CREB5: variants seen among roughly 807,000 people sequenced by gnomAD.
The protein encoded by CREB5 is cyclic AMP-responsive element-binding protein 5.
Under a neutral mutation model 57.1 loss-of-function variants are expected in CREB5, and 19 were observed. That is an observed-to-expected ratio of 0.33 (90% CI 0.23 to 0.49). CREB5 has a LOEUF of 0.49. CREB5 is among the 20% of genes least tolerant of loss of function. The probability of loss-of-function intolerance (pLI) is 0.99; values close to 1 mark genes in which losing one functional copy is unlikely to be tolerated. For missense variants in CREB5, 579 were observed against 671.6 expected, an observed-to-expected ratio of 0.86 and a Z score of 1.52; for synonymous variants, 238 against 238.3, an observed-to-expected ratio of 1.00 and a Z score of 0.01.
chr7:28,379,846 T>G (rs192488513), intron 1 of CREB5, among the ~76,000 whole-genome samples: 1 of 152,330 alleles, frequency 6.6e-6, no homozygotes, highest in East Asian at 1.9e-4. Context: ...AGCCCCCACC[T>G]CAGATCTATT....
At chr7:28,713,485 T>C (rs767972494) in intron 5 of CREB5, among the ~76,000 whole-genome samples, 3 of 152,228 alleles carry the variant, frequency 2.0e-5, no homozygotes, top group Non-Finnish European at 4.4e-5. Context: ...GAACACCTTC[T>C]ATTTGGGGTT....
intron 7 of CREB5, among the ~76,000 whole-genome samples, chr7:28,737,564 TATATATATATATA>T (rs1804082186): frequency 2.7e-5 from 3 of 110,160 alleles, no homozygotes; most frequent in South Asian, 5.1e-4. Flanking sequence ...TATATATATA[TATATATATATATA>T]TATATATATA....
intron 5 of CREB5, among the ~76,000 whole-genome samples, chr7:28,702,787 T>C (rs1459975219): frequency 6.6e-6 from 1 of 152,188 alleles, no homozygotes; most frequent in Non-Finnish European, 1.5e-5. Flanking sequence ...GTTGCTAGAT[T>C]TGGCCTTTAA....
At chr7:28,451,880 T>C (rs1789832358) in intron 1 of CREB5, among the ~76,000 whole-genome samples, 1 of 152,156 alleles carries the variant, frequency 6.6e-6, no homozygotes, top group Non-Finnish European at 1.5e-5. Context: ...ATAAGCTCCA[T>C]ATGGTTTCCC....
At chr7:28,408,680 T>A (rs76344368), upstream of CREB5, among the ~76,000 whole-genome samples, 2 of 152,110 alleles carry the variant, frequency 1.3e-5, no homozygotes, top group African/African-American at 4.8e-5. Flanking sequence ...CTCAGACGCA[T>A]GAAGCAGGGG....
intron 1 of CREB5, among the ~76,000 whole-genome samples, chr7:28,447,150 G>A (rs1462741137): frequency 6.6e-6 from 1 of 152,182 alleles, no homozygotes; most frequent in Admixed American, 6.5e-5. Flanking sequence ...GGGCTTGCAG[G>A]GCACACCATG....
intron 1 of CREB5, among the ~76,000 whole-genome samples, chr7:28,377,626 A>G (rs921103707): frequency 2.6e-5 from 4 of 152,058 alleles, no homozygotes; most frequent in Admixed American, 1.3e-4. Flanking sequence ...TTTATTTAAC[A>G]TAATTTCCTT....
chr7:28,342,552 G>A (rs1216890043), intron 1 of CREB5, among the ~76,000 whole-genome samples: 1 of 152,208 alleles, frequency 6.6e-6, no homozygotes, highest in African/African-American at 2.4e-5. Flanking sequence ...CATAGTTGCA[G>A]AATTAAAATG....
At chr7:28,622,900 T>C (rs116634896) in intron 5 of CREB5, among the ~76,000 whole-genome samples, 2,384 of 152,214 alleles carry the variant, frequency 0.016, 59 homozygotes, top group African/African-American at 0.053. Context: ...CCCACCTTCT[T>C]CTGGTTTTTT....
chr7:28,476,960 T>G (rs1791096371), intron 1 of CREB5, among the ~76,000 whole-genome samples: 1 of 152,234 alleles, frequency 6.6e-6, no homozygotes, highest in Non-Finnish European at 1.5e-5. Flanking sequence ...GGTACACTTC[T>G]CTTTCCTTCT....
intron 5 of CREB5, among the ~76,000 whole-genome samples, chr7:28,600,011 A>G (rs1308735728): frequency 6.6e-6 from 1 of 152,074 alleles, no homozygotes; most frequent in African/African-American, 2.4e-5. Context: ...GAGGGTGAAG[A>G]ACTCTGGGTG....
chr7:28,816,055 G>GCA (rs34917973), intron 9 of CREB5, among the ~76,000 whole-genome samples: 45,532 of 145,164 alleles, frequency 0.31, 7,193 homozygotes, highest in Middle Eastern at 0.39. Context: ...AAATATATAC[G>GCA]CACACACACA....
At position 28,532,976 on chromosome 7, in the gene CREB5, G is replaced by A. The variant is rs148107418; in HGVS notation, c.291+25239G>A. Among the ~76,000 whole-genome samples the A allele has an allele frequency of 2.8e-3, 420 of 152,314 alleles. 2 individuals carry two copies. The highest frequency in any genetic ancestry group is 9.7e-3 in the African/African-American group (405 of 41,566). On this transcript the variant is annotated intron_variant, in intron 4 of 10. Coordinates refer to ENST00000357727, the MANE Select transcript of CREB5 (RefSeq NM_182898.4). ...CACAGGAGTGGGAAGATCCACTTAT[G>A]ACATAAAATGTCCCACAGTTAGAGA...
At chr7:28,306,555 GTTTTT>G (rs869277871) in intron 1 of CREB5, among the ~76,000 whole-genome samples, 2 of 58,086 alleles carry the variant, frequency 3.4e-5, no homozygotes, top group Admixed American at 2.7e-4. Context: ...TGTTTTTTTT[GTTTTT>G]TTTTTTTTTT....
chr7:28,673,260 C>T (rs537729036), intron 5 of CREB5, among the ~76,000 whole-genome samples: 5 of 152,302 alleles, frequency 3.3e-5, no homozygotes, highest in East Asian at 3.9e-4. Context: ...AACACAATGG[C>T]TATCATCACA....
chr7:28,809,806 AAACT>A (rs2128804846), intron 9 of CREB5, among the ~76,000 whole-genome samples: 1 of 152,350 alleles, frequency 6.6e-6, no homozygotes, highest in South Asian at 2.1e-4. Flanking sequence ...AGCAATAAAC[AAACT>A]AATGTCTCCA....
chr7:28,333,132 G>A (rs1471341936), intron 1 of CREB5, among the ~76,000 whole-genome samples: 1 of 152,164 alleles, frequency 6.6e-6, no homozygotes, highest in African/African-American at 2.4e-5. Context: ...CTCCTAACTT[G>A]TGTTTAAATA....
Position 28,819,551 on chromosome 7 carries a change from C to G in CREB5, c.*272C>G, listed in dbSNP as rs1158593740. 1 of 359,396 alleles carries G rather than the reference C, an allele frequency of 2.8e-6. No homozygotes were observed. The highest frequency in any genetic ancestry group is 5.0e-6 in the Non-Finnish European group (1 of 198,232). 22.3% of individuals were successfully genotyped at this position (359,396 alleles called of 1,614,324 possible). A position where few individuals can be genotyped will look rare whatever the true frequency, so the allele number is the denominator to read the frequency against. On this transcript the variant is annotated 3_prime_UTR_variant, in exon 11 of 11. Coordinates refer to ENST00000357727, the MANE Select transcript of CREB5 (RefSeq NM_182898.4). The stretch of plus-strand genomic sequence containing the variant: ...CCAGTTACTTGTTTATAAACTGAAC[C>G]TTTTCTGTATATAGCCATGGTTTCA...
intron 4 of CREB5, among the ~76,000 whole-genome samples, chr7:28,560,847 C>CGT (rs1284367626): frequency 1.7e-4 from 7 of 42,276 alleles, no homozygotes; most frequent in African/African-American, 1.4e-4. Context: ...TGTGTGTGCG[C>CGT]GTGTGTGTGT....
Sources: gnomAD v4.1 joint callset for allele counts (sites outside exome capture counted in the v4.1 genomes callset) on GRCh38, gnomAD v4.1.1 for gene constraint, MANE v1.5 for transcripts, NCBI Gene and HGNC (gene_info 2026-07-23, HGNC 2026-07-21) for gene names.